LRRTM4: variants seen among roughly 807,000 people sequenced by gnomAD.
LRRTM4 encodes leucine rich repeat transmembrane neuronal 4.
A neutral mutation model predicts 47.6 loss-of-function variants in LRRTM4; 25 were observed. The ratio of observed to expected loss-of-function variants is 0.53; its 90% CI spans 0.38 to 0.73. LRRTM4 has a LOEUF of 0.73. LRRTM4 is among the 30% of genes least tolerant of loss of function. The pLI is 0.00. For synonymous variants in LRRTM4, 311 were observed against 269.5 expected (o/e 1.15, Z -1.51); for missense variants, 638 against 713.4 (o/e 0.89, Z 1.20).
chr2:77,217,026 T>C (rs977303163), intron 3 of LRRTM4, among the ~76,000 whole-genome samples: 1 of 150,244 alleles, frequency 6.7e-6, no homozygotes, highest in Non-Finnish European at 1.5e-5. Flanking sequence ...TGAGCCGAGA[T>C]TGCGCCACTG....
chr2:76,908,918 C>A (rs548135077), intron 3 of LRRTM4, among the ~76,000 whole-genome samples: 84 of 152,258 alleles, frequency 5.5e-4, no homozygotes, highest in African/African-American at 2.0e-3. Flanking sequence ...GCCATACTGC[C>A]CAAGGTAATT....
intron 3 of LRRTM4, among the ~76,000 whole-genome samples, chr2:77,138,622 C>T (rs1035561571): frequency 3.9e-5 from 6 of 151,994 alleles, no homozygotes; most frequent in African/African-American, 1.2e-4. Flanking sequence ...TAACTAAGAT[C>T]AGAGCAGAAC....
chr2:77,393,840 T>C (rs931094144), intron 3 of LRRTM4, among the ~76,000 whole-genome samples: 2 of 151,944 alleles, frequency 1.3e-5, no homozygotes, highest in Non-Finnish European at 2.9e-5. Flanking sequence ...CATTGGAGAT[T>C]AGTGTATTTC....
intron 3 of LRRTM4, among the ~76,000 whole-genome samples, chr2:77,201,996 T>C (rs556438193): frequency 7.9e-5 from 12 of 152,240 alleles, no homozygotes; most frequent in African/African-American, 2.4e-4. Context: ...GAGGTGGTAA[T>C]GAGTCTAGGC....
At chr2:77,165,351 C>T (rs371825088) in intron 3 of LRRTM4, among the ~76,000 whole-genome samples, 6 of 151,962 alleles carry the variant, frequency 3.9e-5, no homozygotes, top group East Asian at 1.9e-4. Flanking sequence ...AGTCCAGGAC[C>T]GACAGATTCA....
intron 3 of LRRTM4, among the ~76,000 whole-genome samples, chr2:77,477,894 AAAG>A (rs1677477485): frequency 8.9e-6 from 1 of 112,374 alleles, no homozygotes; most frequent in Admixed American, 1.2e-4. Context: ...AAAGAAAGAA[AAAG>A]AAAGAAAAAG....
At chr2:77,487,897 CT>C (rs1677982632) in intron 3 of LRRTM4, among the ~76,000 whole-genome samples, 1 of 152,154 alleles carries the variant, frequency 6.6e-6, no homozygotes, top group South Asian at 2.1e-4. Flanking sequence ...CACTTCGGGT[CT>C]CCTGAGACCT....
intron 3 of LRRTM4, among the ~76,000 whole-genome samples, chr2:76,963,323 G>C (rs1381175203): frequency 6.6e-6 from 1 of 150,754 alleles, no homozygotes; most frequent in Non-Finnish European, 1.5e-5. Flanking sequence ...TTCTACTTAA[G>C]AAGGCATTAC....
intron 3 of LRRTM4, among the ~76,000 whole-genome samples, chr2:76,789,578 G>A (rs1335675099): frequency 6.6e-6 from 1 of 152,182 alleles, no homozygotes; most frequent in Admixed American, 6.5e-5. Flanking sequence ...ATAATAGGTT[G>A]TATTTGTTTG....
intron 3 of LRRTM4, among the ~76,000 whole-genome samples, chr2:77,476,591 C>T (rs1677397766): frequency 1.3e-5 from 2 of 152,074 alleles, no homozygotes; most frequent in African/African-American, 2.4e-5. Context: ...TAAAGCTAAA[C>T]TCAAAGCCAA....
intron 3 of LRRTM4, among the ~76,000 whole-genome samples, chr2:77,159,052 T>C (rs552380475): frequency 6.6e-6 from 1 of 152,296 alleles, no homozygotes; most frequent in African/African-American, 2.4e-5. Flanking sequence ...ATTTTAACAG[T>C]TGCTAAATTT....
At chr2:77,205,489 G>A (rs1275218297) in intron 3 of LRRTM4, among the ~76,000 whole-genome samples, 1 of 152,078 alleles carries the variant, frequency 6.6e-6, no homozygotes, top group African/African-American at 2.4e-5. Context: ...TGTCATTCCA[G>A]GAAAAAGTAA....
Position 77,254,072 on chromosome 2 carries a change from C to A in LRRTM4, c.1551+264246G>T, listed in dbSNP as rs145358701. On this transcript the variant is annotated intron_variant, in intron 3 of 3. Transcript: ENST00000409884. Reference sequence around the variant, plus strand: ...CACACATACATCATACATACATATACACACAACTATATAGGTGTACACACA... The same window carrying A: ...CACACATACATCATACATACATATAAACACAACTATATAGGTGTACACACA... Among the ~76,000 whole-genome samples, 1,360 of 152,032 alleles carry A rather than the reference C, an allele frequency of 8.9e-3. 25 individuals carry two copies. The highest frequency in any genetic ancestry group is 0.03 in the African/African-American group (1,253 of 41,496).
intron 3 of LRRTM4, among the ~76,000 whole-genome samples, chr2:77,332,848 C>T (rs1573266902): frequency 6.6e-6 from 1 of 152,102 alleles, no homozygotes; most frequent in Non-Finnish European, 1.5e-5. Context: ...TTTGGAAGCT[C>T]TCACCTCACA....
chr2:77,192,499 G>C (rs1673697478), intron 3 of LRRTM4, among the ~76,000 whole-genome samples: 1 of 151,992 alleles, frequency 6.6e-6, no homozygotes, highest in African/African-American at 2.4e-5. Flanking sequence ...ATAGTTGACT[G>C]AATCACTCTT....
chr2:77,192,722 T>C (rs1008027837), intron 3 of LRRTM4, among the ~76,000 whole-genome samples: 14 of 152,152 alleles, frequency 9.2e-5, no homozygotes, highest in Non-Finnish European at 2.1e-4. Context: ...TTTTACTGAA[T>C]TTGGATGGCA....
chr2:76,797,521 G>A (rs375098846), intron 3 of LRRTM4, among the ~76,000 whole-genome samples: 1 of 152,048 alleles, frequency 6.6e-6, no homozygotes, highest in East Asian at 1.9e-4. Flanking sequence ...ATGCCAAAAT[G>A]TAAAGACCAT....
intron 3 of LRRTM4, among the ~76,000 whole-genome samples, chr2:77,514,634 T>C (rs929258289): frequency 6.6e-6 from 1 of 152,072 alleles, no homozygotes; most frequent in Non-Finnish European, 1.5e-5. Context: ...TTAAACTTTA[T>C]ATTTCAATTA....
rs190154430 is a variant in LRRTM4 at position 77,418,068 on chromosome 2, C to T, written c.1551+100250G>A. Reference sequence around the variant, plus strand: ...GGATGATTTTTGAAGGAAACAAATGCAAACTTTCATTAGGGAAGCCCTTGT... The same window carrying T: ...GGATGATTTTTGAAGGAAACAAATGTAAACTTTCATTAGGGAAGCCCTTGT... On this transcript the variant is annotated intron_variant, in intron 3 of 3. Coordinates refer to ENST00000409884, the MANE Select transcript of LRRTM4 (RefSeq NM_001134745.3). 1.2e-3 allele frequency among the ~76,000 whole-genome samples: 190 copies of T among 152,176 alleles called. 1 individual carries two copies. The highest frequency in any genetic ancestry group is 3.5e-3 in the African/African-American group (146 of 41,510).
Sources: allele counts gnomAD v4.1 joint callset (sites outside exome capture counted in the v4.1 genomes callset), GRCh38; gene constraint gnomAD v4.1.1; transcripts MANE v1.5; gene names NCBI Gene and HGNC (gene_info 2026-07-23, HGNC 2026-07-21).